EPB41L2: variants seen among roughly 807,000 people sequenced by gnomAD.
EPB41L2 encodes erythrocyte membrane protein band 4.1 like 2, also known as band 4.1-like protein 2.
A neutral mutation model predicts 113.0 loss-of-function variants in EPB41L2; 43 were observed. The ratio of observed to expected loss-of-function variants is 0.38; its 90% CI spans 0.30 to 0.49. The LOEUF is 0.49. EPB41L2 is among the 20% of genes least tolerant of loss of function. The pLI is 0.95. For synonymous variants in EPB41L2, 442 were observed against 436.7 expected (o/e 1.01, Z -0.15); for missense variants, 1,147 against 1,223.4 (o/e 0.94, Z 0.93).
chr6:130,977,474 G>A (rs1227833668), intron 1 of EPB41L2, among the ~76,000 whole-genome samples: 1 of 152,022 alleles, frequency 6.6e-6, no homozygotes, highest in African/African-American at 2.4e-5. Flanking sequence ...GAGACACACT[G>A]TTAAGGAGAG....
At chr6:130,988,135 T>C (rs542390496) in intron 1 of EPB41L2, among the ~76,000 whole-genome samples, 1 of 152,038 alleles carries the variant, frequency 6.6e-6, no homozygotes, top group Admixed American at 6.6e-5. Context: ...TAAATAAAAA[T>C]AGGCTCAGGT....
intron 1 of EPB41L2, among the ~76,000 whole-genome samples, chr6:130,967,246 G>C (rs539048950): frequency 6.6e-6 from 1 of 152,180 alleles, no homozygotes; most frequent in South Asian, 2.1e-4. Context: ...TTTTCAACCT[G>C]AATTTGGTTG....
At chr6:130,992,659 C>G (rs4897479) in intron 1 of EPB41L2, among the ~76,000 whole-genome samples, 1 of 150,902 alleles carries the variant, frequency 6.6e-6, no homozygotes, top group Non-Finnish European at 1.5e-5. Flanking sequence ...TGAGACAGAG[C>G]CTCGCTCAGT....
intron 1 of EPB41L2, among the ~76,000 whole-genome samples, chr6:131,024,541 A>G (rs1285745038): frequency 2.6e-5 from 4 of 152,206 alleles, no homozygotes; most frequent in Non-Finnish European, 4.4e-5. Flanking sequence ...CACAAGAGCT[A>G]TTCACCAGCA....
chr6:131,050,549 C>G (rs1796316176), intron 1 of EPB41L2, among the ~76,000 whole-genome samples: 1 of 152,222 alleles, frequency 6.6e-6, no homozygotes, highest in Non-Finnish European at 1.5e-5. Flanking sequence ...CTCACAGTCA[C>G]TACTGACTCA....
chr6:131,014,390 T>A (rs935063653), intron 1 of EPB41L2, among the ~76,000 whole-genome samples: 1 of 152,190 alleles, frequency 6.6e-6, no homozygotes, highest in African/African-American at 2.4e-5. Flanking sequence ...TTGTATCCCA[T>A]TTGGCTTAAA....
At chr6:130,922,956 CATTT>C (rs1255550553) in intron 4 of EPB41L2, among the ~76,000 whole-genome samples, 1 of 152,184 alleles carries the variant, frequency 6.6e-6, no homozygotes, top group Non-Finnish European at 1.5e-5. Flanking sequence ...AAACTAAATT[CATTT>C]ATTTACTTGC....
chr6:131,062,623 C>T (rs1312122904), intron 1 of EPB41L2: 1 of 151,594 alleles, frequency 6.6e-6, no homozygotes, highest in African/African-American at 2.4e-5. Flanking sequence ...TCCCCACGCG[C>T]GCGGCCGGCC....
intron 16 of EPB41L2, 70 bp downstream of exon 16, chr6:130,867,389 G>C (rs1784115112): frequency 6.4e-7 from 1 of 1,553,702 alleles, no homozygotes; most frequent in East Asian, 2.3e-5. Flanking sequence ...ACTAAGAGAA[G>C]AAAGAATGAA....
chr6:131,056,084 T>C (rs1222164318), intron 1 of EPB41L2, among the ~76,000 whole-genome samples: 1 of 152,220 alleles, frequency 6.6e-6, no homozygotes, highest in African/African-American at 2.4e-5. Context: ...ATAAGGATAT[T>C]TATATGAAAC....
At chr6:130,868,351 A>G (rs192984864) in intron 15 of EPB41L2, 2 of 152,384 alleles carry the variant, frequency 1.3e-5, no homozygotes, top group Admixed American at 6.5e-5. Context: ...TGCTTTGAAC[A>G]ATTTAAAACA....
intron 1 of EPB41L2, among the ~76,000 whole-genome samples, chr6:131,023,206 G>A (rs1789921831): frequency 6.6e-6 from 1 of 152,082 alleles, no homozygotes; most frequent in Non-Finnish European, 1.5e-5. Flanking sequence ...TGACTACTAT[G>A]TAATAAATGC....
At chr6:130,842,696 A>C (rs1775892104) in intron 19 of EPB41L2, among the ~76,000 whole-genome samples, 1 of 152,158 alleles carries the variant, frequency 6.6e-6, no homozygotes, top group African/African-American at 2.4e-5. Context: ...TGAGTCATAA[A>C]TTTGTAAAGA....
intron 19 of EPB41L2, among the ~76,000 whole-genome samples, chr6:130,841,562 A>T (rs901799602): frequency 2.0e-5 from 3 of 152,222 alleles, no homozygotes; most frequent in African/African-American, 7.2e-5. Flanking sequence ...GGAAGATGAC[A>T]AATGTCAGGC....
chr6:131,060,760 T>TC (rs1191692747), intron 1 of EPB41L2, among the ~76,000 whole-genome samples: 2 of 152,240 alleles, frequency 1.3e-5, no homozygotes, highest in Non-Finnish European at 2.9e-5. Context: ...CAGCAAGAGA[T>TC]ATCTGAACTT....
intron 1 of EPB41L2, among the ~76,000 whole-genome samples, chr6:131,061,920 C>A (rs942053131): frequency 6.6e-6 from 1 of 152,054 alleles, no homozygotes; most frequent in African/African-American, 2.4e-5. Context: ...AGGAACAAGA[C>A]GCCTGGCACA....
chr6:131,053,096 A>G (rs1796885180), intron 1 of EPB41L2, among the ~76,000 whole-genome samples: 2 of 152,102 alleles, frequency 1.3e-5, no homozygotes, highest in South Asian at 4.2e-4. Flanking sequence ...GGGTTTCACC[A>G]TGTTGGCTAG....
chr6:130,882,182 T>C (rs1789538956), intron 12 of EPB41L2: 1 of 152,238 alleles, frequency 6.6e-6, no homozygotes, highest in African/African-American at 2.4e-5. Flanking sequence ...AGACCCTGTA[T>C]GGATTGTTAC....
At chr6:130,845,416 C>A (rs895991142) in intron 19 of EPB41L2, among the ~76,000 whole-genome samples, 3 of 151,988 alleles carry the variant, frequency 2.0e-5, no homozygotes, top group African/African-American at 7.3e-5. Flanking sequence ...CTTGCTCTGT[C>A]ACCCAGGCTG....
Sources: allele counts gnomAD v4.1 joint callset (sites outside exome capture counted in the v4.1 genomes callset), GRCh38; gene constraint gnomAD v4.1.1; transcripts MANE v1.5; gene names NCBI Gene and HGNC (gene_info 2026-07-23, HGNC 2026-07-21).